BCO2: variants seen among roughly 807,000 people sequenced by gnomAD.
The protein encoded by BCO2 is carotenoid-cleaving dioxygenase, mitochondrial.
A neutral mutation model predicts 65.8 loss-of-function variants in BCO2; 56 were observed. The observed-to-expected ratio is 0.85, with a 90% confidence interval of 0.69 to 1.06. The LOEUF (loss-of-function observed/expected upper bound fraction) is 1.06. Ranked by LOEUF, BCO2 falls within the 50% of genes least tolerant of loss-of-function variation. The pLI, the probability that BCO2 is intolerant of heterozygous loss-of-function variation, is 0.00. For synonymous variants in BCO2, 233 were observed against 242.3 expected (o/e 0.96, Z 0.36); for missense variants, 675 against 698.5 (o/e 0.97, Z 0.38).
intron 8 of BCO2, among the ~76,000 whole-genome samples, chr11:112,207,195 G>A (rs1426426635): frequency 6.6e-6 from 1 of 152,130 alleles, no homozygotes; most frequent in African/African-American, 2.4e-5. Context: ...CTAGGACTTC[G>A]AGTTGAATAG....
At chr11:112,212,433 C>T (rs369033452) in intron 8 of BCO2, among the ~76,000 whole-genome samples, 3 of 152,036 alleles carry the variant, frequency 2.0e-5, no homozygotes, top group South Asian at 2.1e-4. Context: ...CCCAGGAGTT[C>T]GAGACAAGCC....
intron 6 of BCO2, 120 bp downstream of exon 6, chr11:112,199,947 G>A: frequency 7.9e-7 from 1 of 1,259,904 alleles, no homozygotes; most frequent in Non-Finnish European, 1.1e-6. Flanking sequence ...ATGAGACCAA[G>A]GTTGCATTTT....
intron 11 of BCO2, among the ~76,000 whole-genome samples, chr11:112,216,569 C>G (rs1201572283): frequency 6.6e-6 from 1 of 152,186 alleles, no homozygotes; most frequent in East Asian, 1.9e-4. Flanking sequence ...GAACTACTTA[C>G]ACATATTTAG....
At chr11:112,213,141 T>A (rs1419591506) in intron 8 of BCO2, among the ~76,000 whole-genome samples, 4 of 123,106 alleles carry the variant, frequency 3.2e-5, no homozygotes, top group African/African-American at 1.3e-4. Context: ...CTTTTTTTTT[T>A]TTTTTTTTTT....
intron 11 of BCO2, among the ~76,000 whole-genome samples, chr11:112,217,364 CTTT>C (rs1201553658): frequency 6.6e-6 from 1 of 152,034 alleles, no homozygotes; most frequent in East Asian, 1.9e-4. Context: ...CTCTCTCTCT[CTTT>C]TCTTTTCTTT....
chr11:112,189,786 G>A (rs775667503), intron 2 of BCO2, among the ~76,000 whole-genome samples: 9 of 152,114 alleles, frequency 5.9e-5, no homozygotes. Flanking sequence ...AAAATTACCA[G>A]GCCCAGATTA....
chr11:112,200,719 C>G lies in BCO2; in HGVS notation c.972C>G (p.Ser324Arg). ...IRGKAFSDGI[S>R]WEPQCNTRFH... ...GAAAGGCCTTTTCAGATGGGATAAG[C>G]TGGGAACCCCAGTGTAATACGCGGT... The change falls in exon 7 of 12, where the codon AGC (serine) becomes AGG (arginine). Residue 324 changes from serine to arginine, a missense_variant. By Grantham distance (110) the Ser-to-Arg change is moderately radical (BLOSUM62 -1). Coordinates refer to ENST00000357685, the MANE Select transcript of BCO2 (RefSeq NM_031938.7). 6.2e-7 allele frequency: 1 copy of G among 1,613,922 alleles called. No individual in the cohort carries two copies.
chr11:112,201,778 T>A (rs1867742309), intron 7 of BCO2, among the ~76,000 whole-genome samples: 1 of 152,214 alleles, frequency 6.6e-6, no homozygotes, highest in Non-Finnish European at 1.5e-5. Flanking sequence ...TTAAGTTCGT[T>A]ATAACAATTG....
intron 2 of BCO2, among the ~76,000 whole-genome samples, chr11:112,190,109 G>A (rs1395767524): frequency 6.6e-6 from 1 of 151,742 alleles, no homozygotes; most frequent in Non-Finnish European, 1.5e-5. Context: ...AACATAGTGA[G>A]ACTCCATCTT....
At chr11:112,196,816 T>G (rs1341138236) in intron 5 of BCO2, among the ~76,000 whole-genome samples, 1 of 111,522 alleles carries the variant, frequency 9.0e-6, no homozygotes, top group African/African-American at 2.6e-5. Context: ...CCTCCTTTCC[T>G]CCTCCTCCTC....
Position 112,180,799 on chromosome 11 carries a change from C to A in BCO2, c.293+1317C>A, listed in dbSNP as rs371765811. The A allele has an allele frequency of 1.4e-3, 1,367 of 1,011,992 alleles. 18 individuals are homozygous for A. Among genetic ancestry groups the A allele is most frequent in the South Asian group, 9.6e-3 (755 of 78,918 alleles). The allele number at this position is 1,011,992 out of a possible 1,614,324, so 62.7% of individuals were successfully genotyped here. On this transcript the variant is annotated intron_variant, in intron 2 of 11. Transcript: ENST00000357685. The stretch of plus-strand genomic sequence containing the variant: ...TGAGGCGGATGACCCTGTTCCTGAA[C>A]GGCAGCCCCAAGAACGGAAAGGTAG...
chr11:112,190,000 A>G (rs142709384), intron 2 of BCO2, among the ~76,000 whole-genome samples: 56 of 152,294 alleles, frequency 3.7e-4, no homozygotes, highest in African/African-American at 1.3e-3. Flanking sequence ...TAAAGTACAA[A>G]ATAGGCCAAA....
chr11:112,176,957 T>G (rs1866903866), intron 1 of BCO2, among the ~76,000 whole-genome samples: 2 of 152,176 alleles, frequency 1.3e-5, no homozygotes, highest in Non-Finnish European at 2.9e-5. Context: ...AGTGTTAATG[T>G]CAAATTCTAT....
intron 5 of BCO2, among the ~76,000 whole-genome samples, chr11:112,196,175 C>T (rs1039745560): frequency 2.0e-5 from 3 of 152,122 alleles, no homozygotes; most frequent in Non-Finnish European, 2.9e-5. Context: ...GTTTAAATTC[C>T]GTGAATTGAG....
At chr11:112,175,840 G>T in intron 1 of BCO2, 151 bp downstream of exon 1, 1 of 587,114 alleles carries the variant, frequency 1.7e-6, no homozygotes. Flanking sequence ...CAGAGTCCTG[G>T]AAGTTAAAGA....
intron 8 of BCO2, 79 bp downstream of exon 8, chr11:112,202,269 T>C: frequency 1.7e-6 from 2 of 1,172,068 alleles, no homozygotes. Flanking sequence ...AATTACATGT[T>C]TCTCTCTCTC....
At position 112,192,943 on chromosome 11, in the gene BCO2, T is replaced by TTTTTTTTA. The variant is rs1555195002; in HGVS notation, c.294-531_294-530insTTTTTTTA. ...ATGTGAGGTTTTTTTTTTTTTTTTT[T>TTTTTTTTA]GACAGGGGTAAGGGTCAGGAGAATG... On this transcript the variant is annotated intron_variant, in intron 2 of 11. Transcript: ENST00000357685. Among the ~76,000 whole-genome samples the TTTTTTTTA allele has an allele frequency of 3.1e-5, 4 of 129,484 alleles. No individual in the cohort carries two copies. In the East Asian group the frequency reaches 8.8e-4, roughly 29 times the overall value. 84.9% of individuals were successfully genotyped at this position (129,484 alleles called of 152,430 possible). A position where few individuals can be genotyped will look rare whatever the true frequency, so the allele number is the denominator to read the frequency against.
intron 1 of BCO2, chr11:112,176,296 A>G (rs1039140165): frequency 3.9e-5 from 6 of 152,554 alleles, no homozygotes; most frequent in Non-Finnish European, 8.8e-5. Flanking sequence ...GAGTACTGGT[A>G]GTATCATTTA....
At chr11:112,213,614 CA>C (rs1859574025) in intron 8 of BCO2, 109 bp from the exon 9 acceptor site, 8 of 1,157,182 alleles carry the variant, frequency 6.9e-6, no homozygotes, top group Non-Finnish European at 9.9e-6. Context: ...TGGAAATTAT[CA>C]TTTATTTAAA....
Sources: gnomAD v4.1 joint callset for allele counts (sites outside exome capture counted in the v4.1 genomes callset) on GRCh38, gnomAD v4.1.1 for gene constraint, MANE v1.5 for transcripts, NCBI Gene and HGNC (gene_info 2026-07-23, HGNC 2026-07-21) for gene names.